The following TMIGD2 variants were observed in gnomAD, a reference collection of about 807,000 sequenced individuals.
TMIGD2 encodes the protein transmembrane and immunoglobulin domain-containing protein 2.
Under a neutral mutation model 22.6 loss-of-function variants are expected in TMIGD2, and 18 were observed. The observed-to-expected ratio is 0.80, with a 90% CI of 0.55 to 1.18. TMIGD2 has a LOEUF of 1.18. TMIGD2 is among the 50% of genes most tolerant of loss of function. TMIGD2 has a pLI of 0.00. For missense variants in TMIGD2, 361 were observed against 378.2 expected (o/e 0.95, Z 0.38); for synonymous variants, 184 against 154.1 (o/e 1.19, Z -1.44).
At position 4,296,601 on chromosome 19, in the gene TMIGD2, G is replaced by A. The variant is rs73919826; in HGVS notation, c.406+1385C>T. Among the ~76,000 whole-genome samples, 801 of 152,262 alleles carry A rather than the reference G, an allele frequency of 5.3e-3. 7 individuals carry two copies. The highest frequency in any genetic ancestry group is 0.018 in the African/African-American group (752 of 41,552). ...CACAGCTGCCAACGCACAGCCTGGC[G>A]CCTCCACCACCCCGCCTCCTCTAAT... On this transcript the variant is annotated intron_variant, in intron 2 of 4. Transcript: ENST00000301272.
At position 4,293,383 on chromosome 19, in the gene TMIGD2, C is replaced by T. The variant is rs1599520967; in HGVS notation, c.563-498G>A. Among the ~76,000 whole-genome samples, 5 of 150,198 alleles carry T rather than the reference C, an allele frequency of 3.3e-5. No individual in the cohort carries two copies. In the South Asian group the frequency reaches 1.1e-3, roughly 32 times the overall value. Reference sequence around the variant, plus strand: ...TCAAGTGATTCTCCTGCCTCAGTCTCCCTAGTAGCTGGGATTACAAGCCCC... The same window carrying T: ...TCAAGTGATTCTCCTGCCTCAGTCTTCCTAGTAGCTGGGATTACAAGCCCC... On this transcript the variant is annotated intron_variant, in intron 4 of 4. Transcript: ENST00000301272.
chr19:4,298,619 C>T (rs1271751734), intron 1 of TMIGD2, among the ~76,000 whole-genome samples: 1 of 151,834 alleles, frequency 6.6e-6, no homozygotes, highest in African/African-American at 2.4e-5. Context: ...GCACCGTGGG[C>T]CCAGCTATTT....
exon 1 of TMIGD2, chr19:4,302,381 C>A: frequency 1.0e-5 from 16 of 1,565,870 alleles, no homozygotes; most frequent in Non-Finnish European, 1.3e-5. Context: ...GCCCGGGGAC[C>A]CCATTCCTGG....
rs144025744 is a variant in TMIGD2, at chr19:4,298,179, G to A, written c.213C>T (p.Ile71=). Residue 71 remains isoleucine (I), a synonymous_variant, in exon 2 of 5, where the codon ATC becomes ATT. Transcript: ENST00000301272. ...CCCCCAGGCTGAGGCTGCCGTTGGT[G>A]ATGTACGGTTGACACAGGATGGCCC... 5.3e-3 allele frequency: 8,576 copies of A among 1,613,516 alleles called. 44 individuals are homozygous for A. The highest frequency in any genetic ancestry group is 6.7e-3 in the Non-Finnish European group (7,868 of 1,180,018).
At chr19:4,294,851 G>C in intron 2 of TMIGD2, 35 bp from the exon 3 acceptor site, 1 of 1,537,454 alleles carries the variant, frequency 6.5e-7, no homozygotes. Context: ...GGGGGTGCCA[G>C]GCTTCTCCAC....
chr19:4,294,945 G>A (rs1486127383), intron 2 of TMIGD2, 129 bp from the exon 3 acceptor site: 5 of 919,328 alleles, frequency 5.4e-6, no homozygotes, highest in Non-Finnish European at 7.7e-6. Flanking sequence ...TGTTCACTCT[G>A]AACCTCTGTT....
At chr19:4,292,234 T>C (rs1001048562) in exon 5 of TMIGD2, 1 of 278,382 alleles carries the variant, frequency 3.6e-6, no homozygotes, top group Non-Finnish European at 6.9e-6. Context: ...AGCTTTGCTT[T>C]TTCTTCACAA....
chr19:4,298,109 G>A, exon 2 of TMIGD2: 1 of 1,613,544 alleles, frequency 6.2e-7, no homozygotes, highest in Non-Finnish European at 8.5e-7. Context: ...TGCAGGGTGA[G>A]ATGGCTGGGT....
intron 4 of TMIGD2, 105 bp downstream of exon 4, chr19:4,294,474 C>T (rs934429854): frequency 3.7e-6 from 4 of 1,087,366 alleles, no homozygotes; most frequent in Admixed American, 3.9e-5. Context: ...CCCTTCATCC[C>T]TCCTCCATCC....
At chr19:4,298,460 G>C in intron 1 of TMIGD2, 115 bp from the exon 2 acceptor site, 1 of 1,405,562 alleles carries the variant, frequency 7.1e-7, no homozygotes, top group Non-Finnish European at 9.3e-7. Flanking sequence ...GTCTAAGACG[G>C]GTGCAGTGGC....
At chr19:4,293,064 C>T (rs1167121993) in intron 4 of TMIGD2, among the ~76,000 whole-genome samples, 179 bp from the exon 5 acceptor site, 1 of 151,578 alleles carries the variant, frequency 6.6e-6, no homozygotes, top group Non-Finnish European at 1.5e-5. Context: ...CCTGGGTTCA[C>T]GCCATTCTCC....
At chr19:4,294,782 G>A in exon 3 of TMIGD2, 1 of 1,587,358 alleles carries the variant, frequency 6.3e-7, no homozygotes, top group Non-Finnish European at 8.6e-7. Context: ...CACCTGGGAA[G>A]CTTGCGATCC....
In TMIGD2 at chr19:4,294,861, C is replaced by T. The variant is rs1435501284; in HGVS notation, c.407-45G>A. 5 of 1,527,976 alleles carry T rather than the reference C, an allele frequency of 3.3e-6. No individual in the cohort carries two copies. In the East Asian group the frequency reaches 1.2e-4, roughly 36 times the overall value. The allele number at this position is 1,527,976 out of a possible 1,614,324, so 94.7% of individuals were successfully genotyped here. A position where few individuals can be genotyped will look rare whatever the true frequency, so the allele number is the denominator to read the frequency against. On this transcript the variant is annotated intron_variant, in intron 2 of 4. Coordinates refer to ENST00000301272, the Ensembl canonical transcript of TMIGD2. ...GTCACGGGGGTGCCAGGCTTCTCCACCCTCCAAGGACAGAGCTCACTTGGG... is the reference window on the plus strand; with the variant it reads ...GTCACGGGGGTGCCAGGCTTCTCCATCCTCCAAGGACAGAGCTCACTTGGG...
At position 4,295,802 on chromosome 19, in the gene TMIGD2, G is replaced by A. The variant is rs1402450698; in HGVS notation, c.407-986C>T. Among the ~76,000 whole-genome samples the A allele has an allele frequency of 2.6e-5, 4 of 152,112 alleles. 1 individual carries two copies. Among genetic ancestry groups the A allele is most frequent in the South Asian group, 4.1e-4 (2 of 4,830 alleles). ...CTTGCCTAGGGTCCCCTACCCAGGC[G>A]GCAGCAGGAACCAGCTTTGGACAAA... On this transcript the variant is annotated intron_variant, in intron 2 of 4. Transcript: ENST00000301272.
intron 1 of TMIGD2, among the ~76,000 whole-genome samples, chr19:4,300,974 GT>G (rs1161773645): frequency 6.6e-6 from 1 of 152,060 alleles, no homozygotes; most frequent in African/African-American, 2.4e-5. Context: ...TTTTGTTTTT[GT>G]TTTTGTTTTT....
At chr19:4,297,716 G>A (rs368767110) in intron 2 of TMIGD2, among the ~76,000 whole-genome samples, 4 of 151,954 alleles carry the variant, frequency 2.6e-5, no homozygotes, top group East Asian at 1.9e-4. Context: ...TTAGCTGGGC[G>A]TGCTGGCACG....
At chr19:4,300,622 C>G (rs774947712) in intron 1 of TMIGD2, among the ~76,000 whole-genome samples, 14 of 152,208 alleles carry the variant, frequency 9.2e-5, no homozygotes, top group Non-Finnish European at 1.9e-4. Flanking sequence ...TCCCAAATTA[C>G]TGGTGTTACA....
rs149263799 is a variant in TMIGD2 at position 4,299,122 on chromosome 19, C to A, written c.47-777G>T. On this transcript the variant is annotated intron_variant, in intron 1 of 4. Transcript: ENST00000301272. ...ATTCCTTGAGAGTAATCAGGGAAGG[C>A]CTCCTTGAGGTGGTGATTTTTTATT... Among the ~76,000 whole-genome samples the A allele has an allele frequency of 2.8e-4, 42 of 152,122 alleles. No individual in the cohort carries two copies. The East Asian group carries it at 7.7e-3, about 28-fold the overall frequency.
At chr19:4,294,512 TG>T in intron 4 of TMIGD2, 66 bp downstream of exon 4, 1 of 1,484,126 alleles carries the variant, frequency 6.7e-7, no homozygotes, top group Non-Finnish European at 9.4e-7. Context: ...ACAGATGCAG[TG>T]GGTCTTTGTC....
Sources: gnomAD v4.1 joint callset for allele counts (sites outside exome capture counted in the v4.1 genomes callset) on GRCh38, gnomAD v4.1.1 for gene constraint, MANE v1.5 for transcripts, NCBI Gene and HGNC (gene_info 2026-07-23, HGNC 2026-07-21) for gene names.